Variants in CHRM3 observed in about 807,000 individuals in gnomAD.
CHRM3 encodes muscarinic acetylcholine receptor M3.
CHRM3 carries 11 observed loss-of-function variants against 41.8 expected under a neutral mutation model. The observed-to-expected ratio is 0.26, with a 90% confidence interval of 0.17 to 0.44. The LOEUF is 0.44. Ranked by LOEUF, CHRM3 falls within the 20% of genes least tolerant of loss-of-function variation. CHRM3 has a pLI of 1.00. For missense variants in CHRM3, 571 were observed against 745.4 expected (o/e 0.77, Z 2.72); for synonymous variants, 297 against 301.4 (o/e 0.99, Z 0.15).
At chr1:239,740,152 C>A (rs1477385943) in intron 5 of CHRM3, among the ~76,000 whole-genome samples, 2 of 152,090 alleles carry the variant, frequency 1.3e-5, no homozygotes, top group African/African-American at 4.8e-5. Flanking sequence ...CCTTCCACTT[C>A]CTGTCATACA....
At chr1:239,904,137 A>T (rs1189870681) in intron 6 of CHRM3, among the ~76,000 whole-genome samples, 2 of 152,282 alleles carry the variant, frequency 1.3e-5, no homozygotes, top group East Asian at 3.9e-4. Context: ...TGGGACATGA[A>T]AGCAGAGACC....
chr1:239,430,393 T>C (rs1021781992), intron 1 of CHRM3, among the ~76,000 whole-genome samples: 2 of 152,136 alleles, frequency 1.3e-5, no homozygotes, highest in Non-Finnish European at 2.9e-5. Flanking sequence ...ACAGATACAG[T>C]TTTAAAAACT....
At chr1:239,639,060 G>A (rs550072879) in intron 4 of CHRM3, among the ~76,000 whole-genome samples, 1 of 152,006 alleles carries the variant, frequency 6.6e-6, no homozygotes, top group Non-Finnish European at 1.5e-5. Context: ...GTTTGTCAAA[G>A]ATCAGATAGT....
intron 5 of CHRM3, among the ~76,000 whole-genome samples, chr1:239,792,471 T>C (rs1303505150): frequency 6.6e-6 from 1 of 152,182 alleles, no homozygotes; most frequent in African/African-American, 2.4e-5. Context: ...AAAAAGTCAC[T>C]TGCTCTCACA....
At chr1:239,409,171 A>G (rs1660877220) in intron 1 of CHRM3, among the ~76,000 whole-genome samples, 1 of 152,138 alleles carries the variant, frequency 6.6e-6, no homozygotes, top group African/African-American at 2.4e-5. Context: ...TGCCAAGGCC[A>G]GGATGTTGCC....
At chr1:239,815,619 T>G (rs1572384826) in intron 5 of CHRM3, among the ~76,000 whole-genome samples, 1 of 152,338 alleles carries the variant, frequency 6.6e-6, no homozygotes, top group African/African-American at 2.4e-5. Context: ...GCTTATAGAC[T>G]AAAGCATAAA....
At chr1:239,725,096 T>C (rs1454205804) in intron 5 of CHRM3, among the ~76,000 whole-genome samples, 1 of 152,010 alleles carries the variant, frequency 6.6e-6, no homozygotes, top group Admixed American at 6.6e-5. Context: ...ATCTAGCTGC[T>C]GCTTCCTTCT....
At chr1:239,423,662 A>G (rs1193747736) in intron 1 of CHRM3, among the ~76,000 whole-genome samples, 1 of 152,200 alleles carries the variant, frequency 6.6e-6, no homozygotes, top group East Asian at 1.9e-4. Flanking sequence ...AGTAATTTAT[A>G]AAAAGCCTCA....
intron 5 of CHRM3, among the ~76,000 whole-genome samples, chr1:239,803,480 T>C (rs1407693910): frequency 6.6e-6 from 1 of 152,182 alleles, no homozygotes; most frequent in Non-Finnish European, 1.5e-5. Flanking sequence ...TTTTTAAATA[T>C]GTGTATTTCC....
intron 1 of CHRM3, among the ~76,000 whole-genome samples, chr1:239,445,929 T>C (rs8179412): frequency 1.3e-5 from 2 of 149,438 alleles, no homozygotes; most frequent in East Asian, 2.0e-4. Context: ...TATGACATCT[T>C]GAATGGTGTG....
intron 1 of CHRM3, among the ~76,000 whole-genome samples, chr1:239,464,773 G>A (rs1026441403): frequency 2.5e-4 from 38 of 152,038 alleles, no homozygotes; most frequent in African/African-American, 9.2e-4. Flanking sequence ...CATTCTTGAC[G>A]TGCCAAGCCA....
At chr1:239,527,038 G>A (rs1283519101) in intron 2 of CHRM3, among the ~76,000 whole-genome samples, 1 of 152,132 alleles carries the variant, frequency 6.6e-6, no homozygotes, top group South Asian at 2.1e-4. Flanking sequence ...TGGGAGGATT[G>A]CTTGAGCTGG....
At chr1:239,601,999 G>A (rs1440767396) in intron 3 of CHRM3, among the ~76,000 whole-genome samples, 1 of 150,670 alleles carries the variant, frequency 6.6e-6, no homozygotes, top group African/African-American at 2.4e-5. Flanking sequence ...ACTAAGAGGA[G>A]CCACTTCTGA....
rs189999185 is a variant in CHRM3, at chr1:239,524,610, A to T, written c.-421-21031A>T. Reference sequence around the variant, plus strand: ...TACCAACTGAATTTATAACCTGAGCATGAAAACCAGATCCTTTTTCATATT... The same window carrying T: ...TACCAACTGAATTTATAACCTGAGCTTGAAAACCAGATCCTTTTTCATATT... On this transcript the variant is annotated intron_variant, in intron 2 of 6. Transcript: ENST00000676153. Among the ~76,000 whole-genome samples, 11 of 152,344 alleles carry T rather than the reference A, an allele frequency of 7.2e-5. No homozygotes were observed. The East Asian group carries it at 2.1e-3, about 29-fold the overall frequency.
At chr1:239,617,823 G>A (rs951534566) in intron 3 of CHRM3, among the ~76,000 whole-genome samples, 43 of 151,940 alleles carry the variant, frequency 2.8e-4, no homozygotes, top group Non-Finnish European at 4.7e-4. Flanking sequence ...CATTTCTGTC[G>A]CCTTCTTCAC....
At chr1:239,533,356 A>G (rs960301327) in intron 2 of CHRM3, among the ~76,000 whole-genome samples, 96 of 152,192 alleles carry the variant, frequency 6.3e-4, no homozygotes, top group African/African-American at 2.2e-3. Context: ...GCCTCAGGAA[A>G]CTTACAATCA....
chr1:239,543,295 C>A (rs10925910), intron 2 of CHRM3, among the ~76,000 whole-genome samples: 98,065 of 151,906 alleles, frequency 0.65, 37,445 homozygotes, highest in Non-Finnish European at 0.83. Context: ...ATTGCTTGTG[C>A]CTCCTACAGG....
intron 4 of CHRM3, among the ~76,000 whole-genome samples, chr1:239,653,344 A>G (rs560112098): frequency 9.8e-5 from 15 of 152,288 alleles, no homozygotes; most frequent in African/African-American, 3.4e-4. Flanking sequence ...GAAGGGGATA[A>G]GATACTGAGG....
chr1:239,399,572 T>C (rs189477743), intron 1 of CHRM3, among the ~76,000 whole-genome samples: 3 of 152,304 alleles, frequency 2.0e-5, no homozygotes, highest in Admixed American at 2.0e-4. Context: ...TTTTTGGGAT[T>C]CTGCATGTAA....
Sources: allele counts gnomAD v4.1 joint callset (sites outside exome capture counted in the v4.1 genomes callset), GRCh38; gene constraint gnomAD v4.1.1; transcripts MANE v1.5; gene names NCBI Gene and HGNC (gene_info 2026-07-23, HGNC 2026-07-21).